The following PPM1A variants were observed in gnomAD, a reference collection of about 807,000 sequenced individuals.
The protein encoded by PPM1A is protein phosphatase 1A.
In PPM1A, 7 loss-of-function variants were observed where a neutral mutation model predicts 35.0. The ratio of observed to expected loss-of-function variants is 0.20; its 90% CI spans 0.11 to 0.38. The LOEUF (loss-of-function observed/expected upper bound fraction) is 0.38, where lower values mean the gene tolerates loss of function less well. Ranked by LOEUF, PPM1A falls within the 10% of genes least tolerant of loss-of-function variation. PPM1A has a pLI of 1.00. For missense variants in PPM1A, 239 were observed against 467.8 expected (o/e 0.51, Z 4.51); for synonymous variants, 153 against 167.3 (o/e 0.91, Z 0.66).
At chr14:60,280,747 C>T (rs981319726) in intron 1 of PPM1A, among the ~76,000 whole-genome samples, 1 of 152,218 alleles carries the variant, frequency 6.6e-6, no homozygotes, top group Admixed American at 6.5e-5. Flanking sequence ...CAGCAGTTTG[C>T]AACCTTACTG....
chr14:60,260,120 G>A (rs1270512315), intron 1 of PPM1A, among the ~76,000 whole-genome samples: 1 of 151,776 alleles, frequency 6.6e-6, no homozygotes, highest in Non-Finnish European at 1.5e-5. Context: ...AAAATTTTGG[G>A]GTAAAAAAAA....
intron 1 of PPM1A, among the ~76,000 whole-genome samples, chr14:60,270,903 A>G (rs1885007947): frequency 6.6e-6 from 1 of 152,254 alleles, no homozygotes; most frequent in South Asian, 2.1e-4. Context: ...CAACAGAAGA[A>G]CTTGACTATT....
Position 60,249,229 on chromosome 14 carries a change from C to A in PPM1A, c.-469C>A. On this transcript the variant is annotated 5_prime_UTR_variant, in exon 1 of 6. Coordinates refer to ENST00000395076, the MANE Select transcript of PPM1A (RefSeq NM_021003.5). This position sits in a 1 kb window ranked among gnomAD's most constrained non-coding sequence, Gnocchi z 4.5. ...CTGCGCGGGGCCGCGCTAGAGGCGG[C>A]GGCGGCGGCGGTGGCGGCGCTAGGG... The A allele has an allele frequency of 1.0e-6, 1 of 987,682 alleles. No individual in the cohort carries two copies. Among genetic ancestry groups the A allele is most frequent in the South Asian group, 4.5e-5 (1 of 22,146 alleles). The allele number at this position is 987,682 out of a possible 1,614,324, so 61.2% of individuals were successfully genotyped here.
In PPM1A at chr14:60,268,478, T is replaced by C. The variant is rs1033705605; in HGVS notation, c.-20-14206T>C. ...GGCTTCTAATTTTAAATAATTTTTT[T>C]AGTTAGACTATTTAGTGGCTTACCT... On this transcript the variant is annotated intron_variant, in intron 1 of 5. Transcript: ENST00000395076. 9.6e-6 allele frequency: 8 copies of C among 834,112 alleles called. No individual in the cohort carries two copies. In the African/African-American group the frequency reaches 1.5e-4, roughly 15 times the overall value. 51.7% of individuals were successfully genotyped at this position (834,112 alleles called of 1,614,324 possible).
intron 1 of PPM1A, among the ~76,000 whole-genome samples, chr14:60,252,251 C>G (rs1882513963): frequency 6.7e-6 from 1 of 150,274 alleles, no homozygotes; most frequent in Non-Finnish European, 1.5e-5. Context: ...CTCTGAAATA[C>G]TCACCCATGA....
In PPM1A at chr14:60,249,442, T is replaced by C; in HGVS notation, c.-256T>C. On this transcript the variant is annotated 5_prime_UTR_variant, in exon 1 of 6. Transcript: ENST00000395076. This position sits in a 1 kb window ranked among gnomAD's most constrained non-coding sequence, Gnocchi z 4.5. ...CCTCCTCCTTCTCCGGGACCCGCTC[T>C]CTGCCTCCCTCTCCAACGCCCGGAT... The C allele has an allele frequency of 1.0e-6, 1 of 984,964 alleles. No homozygotes were observed. Among genetic ancestry groups the C allele is most frequent in the Non-Finnish European group, 1.2e-6 (1 of 830,080 alleles). 61.0% of individuals were successfully genotyped at this position (984,964 alleles called of 1,614,324 possible).
At chr14:60,247,086 TGCC>T (rs1005540217), upstream of PPM1A, among the ~76,000 whole-genome samples, 6 of 152,190 alleles carry the variant, frequency 3.9e-5, no homozygotes, top group Admixed American at 6.5e-5. Context: ...TCTAAATGGT[TGCC>T]ATATGAGCTT....
At chr14:60,256,002 A>C (rs1883092070) in intron 1 of PPM1A, among the ~76,000 whole-genome samples, 1 of 152,274 alleles carries the variant, frequency 6.6e-6, no homozygotes, top group Non-Finnish European at 1.5e-5. Context: ...GTTAAAGAAG[A>C]GAGATAACTA....
intron 1 of PPM1A, among the ~76,000 whole-genome samples, chr14:60,264,765 G>A (rs1184728573): frequency 6.6e-6 from 1 of 151,772 alleles, no homozygotes; most frequent in African/African-American, 2.4e-5. Flanking sequence ...CTTTGACTTT[G>A]TCCAGCTAGA....
rs1885400688 is a variant in PPM1A, at chr14:60,273,467, G to T, written c.-20-9217G>T. ...ATGAAGTGAGATGCGGCTAGAGAAG[G>T]TACGTAGGGGCTTGACTTCCCAGGG... On this transcript the variant is annotated intron_variant, in intron 1 of 5. Coordinates refer to ENST00000395076, the MANE Select transcript of PPM1A (RefSeq NM_021003.5). The surrounding 1 kb of genome is among the most constrained non-coding windows in gnomAD (Gnocchi z 4.3). 1.3e-5 allele frequency among the ~76,000 whole-genome samples: 2 copies of T among 152,184 alleles called. No homozygotes were observed. Among genetic ancestry groups the T allele is most frequent in the Admixed American group, 6.5e-5 (1 of 15,272 alleles).
At chr14:60,284,720 T>TATAC (rs1440853373) in intron 2 of PPM1A, among the ~76,000 whole-genome samples, 33 of 122,316 alleles carry the variant, frequency 2.7e-4, no homozygotes, top group South Asian at 6.6e-4. Context: ...TATATATATA[T>TATAC]ACATATATAT....
intron 1 of PPM1A, among the ~76,000 whole-genome samples, chr14:60,258,818 G>A (rs773585406): frequency 3.9e-5 from 6 of 152,084 alleles, no homozygotes; most frequent in African/African-American, 1.2e-4. Flanking sequence ...CAAGTGTCAT[G>A]TGTTAAATAT....
chr14:60,267,769 A>C (rs918021588), intron 1 of PPM1A, among the ~76,000 whole-genome samples: 1 of 152,142 alleles, frequency 6.6e-6, no homozygotes, highest in Non-Finnish European at 1.5e-5. Context: ...ATTTATTTAA[A>C]TGGCCAATTG....
At chr14:60,270,107 GT>G (rs527883450) in intron 1 of PPM1A, among the ~76,000 whole-genome samples, 25 of 152,140 alleles carry the variant, frequency 1.6e-4, no homozygotes, top group African/African-American at 4.3e-4. Flanking sequence ...AAGTCTACTT[GT>G]TTTTGTTTCT....
chr14:60,261,692 G>A (rs1318153304), intron 1 of PPM1A, among the ~76,000 whole-genome samples: 1 of 152,206 alleles, frequency 6.6e-6, no homozygotes, highest in Non-Finnish European at 1.5e-5. Flanking sequence ...GTCAGATTCA[G>A]TGGGCTGTTT....
At chr14:60,280,071 A>G (rs1204112316) in intron 1 of PPM1A, among the ~76,000 whole-genome samples, 1 of 152,036 alleles carries the variant, frequency 6.6e-6, no homozygotes, top group African/African-American at 2.4e-5. Context: ...ATGTGATCTC[A>G]GCTTGGCTCA....
chr14:60,245,783 AG>A (rs1328280579), upstream of PPM1A: 25 of 1,413,230 alleles, frequency 1.8e-5, no homozygotes, highest in Non-Finnish European at 2.3e-5. This position sits in a 1 kb window ranked among gnomAD's most constrained non-coding sequence, Gnocchi z 4.2. Flanking sequence ...GGGAGGAAGG[AG>A]GGCCAGGGTA....
chr14:60,263,246 A>C (rs1235682357), intron 1 of PPM1A, among the ~76,000 whole-genome samples: 1 of 151,860 alleles, frequency 6.6e-6, no homozygotes, highest in Non-Finnish European at 1.5e-5. Flanking sequence ...CTTCAAGGGC[A>C]CTCTAATGTG....
At chr14:60,277,277 ATTATAT>A in intron 1 of PPM1A, 1 of 157,446 alleles carries the variant, frequency 6.4e-6, no homozygotes, top group East Asian at 1.9e-4. Context: ...ACTTTTTGGT[ATTATAT>A]TTATATAATC....
Sources: gnomAD v4.1 joint callset for allele counts (sites outside exome capture counted in the v4.1 genomes callset) on GRCh38, gnomAD v4.1.1 for gene constraint, Gnocchi (gnomAD v3.1) non-coding constraint, MANE v1.5 for transcripts, NCBI Gene and HGNC (gene_info 2026-07-23, HGNC 2026-07-21) for gene names.